Variants in SRGAP1 observed in about 807,000 individuals in gnomAD.
SRGAP1 encodes the protein SLIT-ROBO Rho GTPase-activating protein 1.
A neutral mutation model predicts 121.9 loss-of-function variants in SRGAP1; 43 were observed. The observed-to-expected ratio is 0.35, with a 90% CI of 0.28 to 0.46. The LOEUF (loss-of-function observed/expected upper bound fraction) is 0.46. SRGAP1 is among the 20% of genes least tolerant of loss of function. SRGAP1 has a pLI of 1.00. For synonymous variants in SRGAP1, 447 were observed against 485.4 expected (o/e 0.92, Z 1.04); for missense variants, 1,102 against 1,350.9 (o/e 0.82, Z 2.89).
intron 10 of SRGAP1, 88 bp downstream of exon 10, chr12:64,080,458 G>A: frequency 1.7e-6 from 2 of 1,169,248 alleles, no homozygotes; most frequent in Non-Finnish European, 2.5e-6. Context: ...TTGTATATTT[G>A]TGCTTTAAGA....
At chr12:64,122,834 G>T (rs1468156706) in intron 18 of SRGAP1, among the ~76,000 whole-genome samples, 1 of 152,150 alleles carries the variant, frequency 6.6e-6, no homozygotes, top group Non-Finnish European at 1.5e-5. Context: ...GGAGGCAGAG[G>T]TTGTGGTGAG....
chr12:63,991,536 G>A lies in SRGAP1; in HGVS notation c.426+1464G>A, dbSNP rs142625788. On this transcript the variant is annotated intron_variant, in intron 3 of 21. Coordinates refer to ENST00000355086, the MANE Select transcript of SRGAP1 (RefSeq NM_020762.4). The stretch of plus-strand genomic sequence containing the variant: ...GAAGAGATAAAGAAATATCCTATGC[G>A]TCTTAAATAGTAGAGTTTTAAAAAA... 9.0e-3 allele frequency among the ~76,000 whole-genome samples: 1,363 copies of A among 152,236 alleles called. 16 individuals are homozygous for A. The highest frequency in any genetic ancestry group is 0.027 in the African/African-American group (1,112 of 41,538).
At chr12:63,976,325 T>C (rs567604367) in intron 1 of SRGAP1, among the ~76,000 whole-genome samples, 23 of 152,270 alleles carry the variant, frequency 1.5e-4, no homozygotes, top group Non-Finnish European at 2.6e-4. Context: ...GTACTTGTTA[T>C]AACTCTCCTT....
chr12:64,031,436 T>C (rs2034778780), intron 4 of SRGAP1, among the ~76,000 whole-genome samples: 2 of 151,796 alleles, frequency 1.3e-5, no homozygotes. Flanking sequence ...AAATTTGAAA[T>C]CATGGATTCA....
intron 1 of SRGAP1, among the ~76,000 whole-genome samples, chr12:63,975,025 T>C (rs1280051229): frequency 6.6e-6 from 1 of 152,216 alleles, no homozygotes; most frequent in African/African-American, 2.4e-5. Context: ...CACCATCATA[T>C]CTAGAACTTG....
rs755706647 is a variant in SRGAP1, at chr12:63,988,951, C to T, written c.264-959C>T. On this transcript the variant is annotated intron_variant, in intron 2 of 21. Coordinates refer to ENST00000355086, the MANE Select transcript of SRGAP1 (RefSeq NM_020762.4). ...TCAGCCTCCCAAGTAGCTGGGATTA[C>T]ACGTGCCCATCACCATGCCCGGCTG... Among the ~76,000 whole-genome samples, 10 of 152,230 alleles carry T rather than the reference C, an allele frequency of 6.6e-5. No individual in the cohort carries two copies. The South Asian group carries it at 1.0e-3, about 16-fold the overall frequency.
At chr12:63,993,768 G>A (rs2033621298) in intron 3 of SRGAP1, among the ~76,000 whole-genome samples, 1 of 151,680 alleles carries the variant, frequency 6.6e-6, no homozygotes, top group African/African-American at 2.4e-5. Flanking sequence ...TCCATGCAGA[G>A]CTATAGGGAA....
intron 1 of SRGAP1, among the ~76,000 whole-genome samples, chr12:63,890,432 C>T (rs1274672025): frequency 1.3e-5 from 2 of 152,134 alleles, no homozygotes; most frequent in East Asian, 3.8e-4. Context: ...AGTTTTGCTT[C>T]CACAGTGGAG....
intron 10 of SRGAP1, chr12:64,082,001 CTTT>C: frequency 1.5e-5 from 1 of 66,138 alleles, no homozygotes; most frequent in East Asian, 5.4e-4. Context: ...CATGTAAGGT[CTTT>C]TTTTTTTTTT....
chr12:64,002,366 C>T (rs2033928283), intron 3 of SRGAP1, among the ~76,000 whole-genome samples: 1 of 152,162 alleles, frequency 6.6e-6, no homozygotes, highest in Non-Finnish European at 1.5e-5. Context: ...GGGCAACAAC[C>T]TGTTGTTTTA....
intron 12 of SRGAP1, 71 bp from the exon 13 acceptor site, chr12:64,094,859 ACT>A: frequency 7.2e-7 from 1 of 1,381,658 alleles, no homozygotes; most frequent in Non-Finnish European, 1.0e-6. Context: ...TTACTGTTAA[ACT>A]CTAAGCCTTA....
rs1468136278 is a variant in SRGAP1 at position 64,161,628 on chromosome 12, G to C, written c.*18956G>C. Reference sequence around the variant, plus strand: ...TCTCTGCACACTGTATTTCCTCTAAGTTGCTTTTTTAAATTTTTGACCTGT... The same window carrying C: ...TCTCTGCACACTGTATTTCCTCTAACTTGCTTTTTTAAATTTTTGACCTGT... On this transcript the variant is annotated 3_prime_UTR_variant, in exon 22 of 22. Transcript: ENST00000355086. 6.6e-6 allele frequency: 1 copy of C among 152,046 alleles called. No homozygotes were observed. Among genetic ancestry groups the C allele is most frequent in the Admixed American group, 6.6e-5 (1 of 15,260 alleles). The allele number at this position is 152,046 out of a possible 1,614,324, so 9.4% of individuals were successfully genotyped here.
At chr12:64,121,575 T>C (rs2036606736) in intron 18 of SRGAP1, among the ~76,000 whole-genome samples, 1 of 152,120 alleles carries the variant, frequency 6.6e-6, no homozygotes, top group Admixed American at 6.6e-5. Context: ...CTTTTGAAAG[T>C]CTCTGAGTCC....
chr12:64,050,295 T>TA (rs2035214270), intron 6 of SRGAP1, among the ~76,000 whole-genome samples: 1 of 152,212 alleles, frequency 6.6e-6, no homozygotes, highest in Admixed American at 6.5e-5. Flanking sequence ...TTTTTCCAAA[T>TA]ATCAGATCAT....
intron 1 of SRGAP1, among the ~76,000 whole-genome samples, chr12:63,894,875 TG>T (rs1900704368): frequency 6.6e-6 from 1 of 152,230 alleles, no homozygotes. Flanking sequence ...CTATCATTGA[TG>T]GACATTTGGG....
intron 1 of SRGAP1, among the ~76,000 whole-genome samples, chr12:63,975,942 A>G (rs1172718507): frequency 2.0e-5 from 3 of 152,236 alleles, no homozygotes; most frequent in Admixed American, 6.5e-5. Context: ...TGGGGAAACC[A>G]TACAACTTAC....
At chr12:63,899,902 G>A (rs542277016) in intron 1 of SRGAP1, among the ~76,000 whole-genome samples, 2 of 152,308 alleles carry the variant, frequency 1.3e-5, no homozygotes, top group African/African-American at 2.4e-5. Context: ...TTGCTCCAGT[G>A]TATCTGCCTT....
intron 1 of SRGAP1, among the ~76,000 whole-genome samples, chr12:63,955,384 T>C (rs1209154745): frequency 6.6e-6 from 1 of 152,232 alleles, no homozygotes; most frequent in Non-Finnish European, 1.5e-5. Flanking sequence ...CATTTTGATA[T>C]AGTTATGCAT....
At chr12:63,880,244 T>G (rs1436110663) in intron 1 of SRGAP1, among the ~76,000 whole-genome samples, 1 of 152,116 alleles carries the variant, frequency 6.6e-6, no homozygotes, top group Non-Finnish European at 1.5e-5. Context: ...CTCTTTTTCT[T>G]TTTTTGAGAC....
Sources: gnomAD v4.1 joint callset for allele counts (sites outside exome capture counted in the v4.1 genomes callset) on GRCh38, gnomAD v4.1.1 for gene constraint, MANE v1.5 for transcripts, NCBI Gene and HGNC (gene_info 2026-07-23, HGNC 2026-07-21) for gene names.